The following DRD3 variants were observed in gnomAD, a reference collection of about 807,000 sequenced individuals.
DRD3 encodes the protein dopamine receptor D3, also known as D(3) dopamine receptor.
A neutral mutation model predicts 36.3 loss-of-function variants in DRD3; 19 were observed. That is an observed-to-expected ratio of 0.52 (90% CI 0.36 to 0.77). The LOEUF is 0.77. DRD3 is among the 30% of genes least tolerant of loss of function. DRD3 has a pLI of 0.00. For synonymous variants in DRD3, 195 were observed against 203.7 expected (o/e 0.96, Z 0.36); for missense variants, 465 against 505.3 (o/e 0.92, Z 0.77).
At chr3:114,188,223 T>C (rs535775706) in intron 1 of DRD3, among the ~76,000 whole-genome samples, 3 of 147,032 alleles carry the variant, frequency 2.0e-5, no homozygotes, top group African/African-American at 7.6e-5. Context: ...TTTTTTTTTT[T>C]TTTTTTTTGA....
At chr3:114,141,350 A>G (rs2077521911) in intron 4 of DRD3, among the ~76,000 whole-genome samples, 1 of 152,238 alleles carries the variant, frequency 6.6e-6, no homozygotes, top group Admixed American at 6.5e-5. Flanking sequence ...TTTCTTAAAT[A>G]TGCAAAGCTT....
intron 1 of DRD3, among the ~76,000 whole-genome samples, chr3:114,185,601 T>C (rs879463703): frequency 6.6e-6 from 1 of 151,984 alleles, no homozygotes; most frequent in Non-Finnish European, 1.5e-5. Context: ...TGAGACTCTT[T>C]CAGGAATAGT....
rs556724033 is a variant in DRD3 at position 114,161,454 on chromosome 3, C to G, written c.271-1587G>C. ...AAAGGCCGTCTTTCCTTCCCTGTCC[C>G]TGATAACTTCTTCCCATTGGATTTA... On this transcript the variant is annotated intron_variant, in intron 2 of 6. Coordinates refer to ENST00000383673, the MANE Select transcript of DRD3 (RefSeq NM_000796.6). Among the ~76,000 whole-genome samples the G allele has an allele frequency of 8.4e-4, 128 of 152,354 alleles. 1 individual carries two copies. Among genetic ancestry groups the G allele is most frequent in the African/African-American group, 3.0e-3 (125 of 41,584 alleles).
At chr3:114,147,936 G>T (rs180684193) in intron 3 of DRD3, among the ~76,000 whole-genome samples, 56 of 152,350 alleles carry the variant, frequency 3.7e-4, no homozygotes, top group African/African-American at 1.3e-3. Flanking sequence ...ACCAAGTCCA[G>T]TGAGGGGAAC....
At chr3:114,137,953 G>A (rs561209701) in intron 5 of DRD3, among the ~76,000 whole-genome samples, 5,007 of 137,768 alleles carry the variant, frequency 0.036, 99 homozygotes, top group South Asian at 0.068. Flanking sequence ...AGCTGAGATT[G>A]CGCCACTGCA....
At chr3:114,137,567 A>G (rs563294633) in intron 5 of DRD3, among the ~76,000 whole-genome samples, 78 of 152,302 alleles carry the variant, frequency 5.1e-4, no homozygotes, top group African/African-American at 1.4e-3. Flanking sequence ...AATGTAGGTC[A>G]TCAGGCTGGG....
Position 114,175,688 on chromosome 3 carries a change from C to T in DRD3, c.-36+2969G>A, listed in dbSNP as rs555951738. On this transcript the variant is annotated intron_variant, in intron 1 of 6. Coordinates refer to ENST00000383673, the MANE Select transcript of DRD3 (RefSeq NM_000796.6). ...TCAGAAATCCATGCAACTGTGATTC[C>T]AACATCAGGCTCAGAATTGATTTTC... 3.9e-5 allele frequency among the ~76,000 whole-genome samples: 6 copies of T among 152,222 alleles called. No homozygotes were observed. In the East Asian group the frequency reaches 1.2e-3, roughly 29 times the overall value.
chr3:114,174,232 A>C (rs1479373156), intron 1 of DRD3, among the ~76,000 whole-genome samples: 1 of 152,186 alleles, frequency 6.6e-6, no homozygotes, highest in Non-Finnish European at 1.5e-5. Context: ...TGATTGTTCA[A>C]GGATATTCCC....
At position 114,147,685 on chromosome 3, in the gene DRD3, C is replaced by T. The variant is rs556282342; in HGVS notation, c.384-128G>A. ...TGTCACCCAGGCAGAAGTGCAGTGG[C>T]ATGATTACTGTTCACTGCAGTTCAA... On this transcript the variant is annotated intron_variant, in intron 3 of 6. Transcript: ENST00000383673. 69 of 1,123,664 alleles carry T rather than the reference C, an allele frequency of 6.1e-5. 2 individuals carry two copies. In the South Asian group the frequency reaches 7.9e-4, roughly 13 times the overall value. 69.6% of individuals were successfully genotyped at this position (1,123,664 alleles called of 1,614,324 possible).
In DRD3 at chr3:114,128,442, A is replaced by T. The variant is rs2077396439; in HGVS notation, c.*274T>A. ...ATGCCTCTGATGACAATTTTGTGTG[A>T]GTCATGTTTTATCAGCTTCTTTCTG... On this transcript the variant is annotated 3_prime_UTR_variant, in exon 7 of 7. Transcript: ENST00000383673. Among the ~76,000 whole-genome samples the T allele has an allele frequency of 6.6e-6, 1 of 152,136 alleles. No individual in the cohort carries two copies. Among genetic ancestry groups the T allele is most frequent in the Admixed American group, 6.5e-5 (1 of 15,272 alleles).
intron 1 of DRD3, among the ~76,000 whole-genome samples, chr3:114,189,378 T>C (rs1240871425): frequency 6.6e-6 from 1 of 152,252 alleles, no homozygotes; most frequent in Non-Finnish European, 1.5e-5. Context: ...CCTTGCTATA[T>C]ACTTGTTGCA....
At chr3:114,174,338 A>T (rs2077876849) in intron 1 of DRD3, among the ~76,000 whole-genome samples, 1 of 152,158 alleles carries the variant, frequency 6.6e-6, no homozygotes, top group Non-Finnish European at 1.5e-5. Flanking sequence ...GGGGTCTGCA[A>T]CTGGTGAATA....
chr3:114,192,379 C>G (rs7631639), intron 1 of DRD3, among the ~76,000 whole-genome samples: 53,410 of 151,986 alleles, frequency 0.35, 9,909 homozygotes, highest in African/African-American at 0.47. Context: ...TCCTGGGTAG[C>G]TTGCTGTAGA....
chr3:114,169,072 A>G (rs2077814312), intron 2 of DRD3, among the ~76,000 whole-genome samples: 1 of 151,996 alleles, frequency 6.6e-6, no homozygotes, highest in Non-Finnish European at 1.5e-5. Flanking sequence ...TTAAGTAATT[A>G]GTAGAGTAGC....
chr3:114,198,108 C>G (rs2078046830), intron 1 of DRD3, among the ~76,000 whole-genome samples: 1 of 152,000 alleles, frequency 6.6e-6, no homozygotes, highest in African/African-American at 2.4e-5. Flanking sequence ...CTCAGTTTTT[C>G]TCAGCAATAT....
chr3:114,138,585 G>A (rs188524247), intron 5 of DRD3, among the ~76,000 whole-genome samples: 71 of 152,222 alleles, frequency 4.7e-4, no homozygotes, highest in Non-Finnish European at 8.2e-4. Context: ...ATGACACATG[G>A]GAATTGTGGG....
At chr3:114,151,542 T>A (rs1374540835) in intron 3 of DRD3, among the ~76,000 whole-genome samples, 2 of 152,162 alleles carry the variant, frequency 1.3e-5, no homozygotes, top group African/African-American at 2.4e-5. Flanking sequence ...TTTCTAAAAT[T>A]TTGCCAATCA....
chr3:114,184,263 C>T (rs1192059819), intron 1 of DRD3, among the ~76,000 whole-genome samples: 2 of 152,154 alleles, frequency 1.3e-5, no homozygotes, highest in African/African-American at 4.8e-5. Context: ...TTTCTTCACT[C>T]TTTTTGGTTG....
chr3:114,150,661 G>T (rs530773037), intron 3 of DRD3, among the ~76,000 whole-genome samples: 1 of 152,230 alleles, frequency 6.6e-6, no homozygotes, highest in East Asian at 1.9e-4. Context: ...TCTACCAATG[G>T]CTCAACATTT....
Sources: allele counts gnomAD v4.1 joint callset (sites outside exome capture counted in the v4.1 genomes callset), GRCh38; gene constraint gnomAD v4.1.1; transcripts MANE v1.5; gene names NCBI Gene and HGNC (gene_info 2026-07-23, HGNC 2026-07-21).